The following SEL1L2 variants were observed in gnomAD, a reference collection of about 807,000 sequenced individuals.
The protein encoded by SEL1L2 is SEL1L2 adaptor subunit of SYVN1 ubiquitin ligase, also known as protein sel-1 homolog 2.
Under a neutral mutation model 98.8 loss-of-function variants are expected in SEL1L2, and 89 were observed. That is an observed-to-expected ratio of 0.90 (90% CI 0.76 to 1.07). SEL1L2 has a LOEUF of 1.07. Among genes scored for constraint, SEL1L2 ranks in the 50% least tolerant of loss-of-function variants. The probability of loss-of-function intolerance (pLI) is 0.00; values close to 1 mark genes in which losing one functional copy is unlikely to be tolerated. For missense variants in SEL1L2, 788 were observed against 812.0 expected (o/e 0.97, Z 0.36); for synonymous variants, 262 against 278.5 (o/e 0.94, Z 0.59).
intron 9 of SEL1L2, 83 bp from the exon 10 acceptor site, chr20:13,885,486 G>T: frequency 1.1e-6 from 1 of 913,658 alleles, no homozygotes; most frequent in Non-Finnish European, 1.8e-6. Flanking sequence ...TTTTACTTTA[G>T]TATGTTGATT....
At chr20:13,885,901 G>T (rs2046928363) in intron 9 of SEL1L2, among the ~76,000 whole-genome samples, 2 of 152,188 alleles carry the variant, frequency 1.3e-5, no homozygotes, top group African/African-American at 4.8e-5. Flanking sequence ...CAGGCGTGGT[G>T]GTGTGGGCAC....
At chr20:13,976,535 A>C (rs1056977195) in intron 1 of SEL1L2, among the ~76,000 whole-genome samples, 2 of 152,200 alleles carry the variant, frequency 1.3e-5, no homozygotes, top group Non-Finnish European at 2.9e-5. Flanking sequence ...GAATTGGTTG[A>C]AATAAAATAC....
At position 13,954,836 on chromosome 20, in the gene SEL1L2, T is replaced by A. The variant is rs116853256; in HGVS notation, c.114+1240A>T. Among the ~76,000 whole-genome samples the A allele has an allele frequency of 5.8e-3, 880 of 152,300 alleles. 11 individuals are homozygous for A. Among genetic ancestry groups the A allele is most frequent in the Middle Eastern group, 0.02 (6 of 294 alleles). On this transcript the variant is annotated intron_variant, in intron 2 of 19. Transcript: ENST00000284951. ...GCAAGATGACCTGAAGAAATGGATG[T>A]TCCTTCATTCTCCACTTGCCTGAAG... is the stretch of plus-strand genomic sequence containing the variant.
rs2052501191 is a variant in SEL1L2 at position 13,990,601 on chromosome 20, T to C, written c.-67A>G. The C allele has an allele frequency of 1.6e-6, 2 of 1,251,772 alleles. No homozygotes were observed. Among genetic ancestry groups the C allele is most frequent in the Non-Finnish European group, 2.3e-6 (2 of 859,596 alleles). 77.5% of individuals were successfully genotyped at this position (1,251,772 alleles called of 1,614,324 possible). A position where few individuals can be genotyped will look rare whatever the true frequency, so the allele number is the denominator to read the frequency against. ...ACTAGGTGATTGGCCCAAGAGCTCC[T>C]CTTCTCAGGGACTGTGGTGGGGGCA... On this transcript the variant is annotated 5_prime_UTR_variant, in exon 1 of 20. Transcript: ENST00000284951.
chr20:13,891,456 C>T (rs2047200013), intron 5 of SEL1L2, among the ~76,000 whole-genome samples: 1 of 151,934 alleles, frequency 6.6e-6, no homozygotes, highest in Non-Finnish European at 1.5e-5. Flanking sequence ...ACCACAAGAT[C>T]AAGAGATTGA....
intron 1 of SEL1L2, among the ~76,000 whole-genome samples, chr20:13,960,173 A>G (rs901855263): frequency 1.1e-4 from 16 of 151,164 alleles, no homozygotes; most frequent in Non-Finnish European, 1.9e-4. Context: ...TCCCCAAAGT[A>G]CACAGAATAA....
chr20:13,988,297 C>G (rs1450227827), intron 1 of SEL1L2, among the ~76,000 whole-genome samples: 1 of 152,148 alleles, frequency 6.6e-6, no homozygotes, highest in Non-Finnish European at 1.5e-5. Flanking sequence ...CTAGGCCTCC[C>G]AAAGCGCTGG....
chr20:13,987,963 A>T (rs538950122), intron 1 of SEL1L2, among the ~76,000 whole-genome samples: 21 of 152,322 alleles, frequency 1.4e-4, no homozygotes, highest in Non-Finnish European at 2.6e-4. Flanking sequence ...CCTCCAAAAC[A>T]GAAGAGTTTT....
chr20:13,909,749 T>C (rs1320092712), intron 5 of SEL1L2, among the ~76,000 whole-genome samples: 2 of 152,136 alleles, frequency 1.3e-5, no homozygotes, highest in African/African-American at 4.8e-5. Flanking sequence ...GCAGATCACC[T>C]GAGGTCAGGA....
intron 1 of SEL1L2, among the ~76,000 whole-genome samples, chr20:13,968,737 G>A (rs1011548512): frequency 6.6e-6 from 1 of 152,210 alleles, no homozygotes; most frequent in African/African-American, 2.4e-5. Flanking sequence ...GGCTTTCTGT[G>A]CTCTCTTCCC....
At chr20:13,942,638 AT>A (rs60660687) in intron 2 of SEL1L2, among the ~76,000 whole-genome samples, 9,718 of 152,280 alleles carry the variant, frequency 0.064, 347 homozygotes, top group Non-Finnish European at 0.073. Flanking sequence ...TAATACAAAA[AT>A]TTAACATCAG....
At chr20:13,866,915 A>C (rs2147828219) in intron 14 of SEL1L2, 65 bp from the exon 15 acceptor site, 1 of 1,398,718 alleles carries the variant, frequency 7.1e-7, no homozygotes, top group Non-Finnish European at 9.5e-7. Flanking sequence ...TAATCTATGG[A>C]TATAATAGTC....
At chr20:13,974,437 T>C (rs1003007764) in intron 1 of SEL1L2, among the ~76,000 whole-genome samples, 1 of 150,768 alleles carries the variant, frequency 6.6e-6, no homozygotes, top group Non-Finnish European at 1.5e-5. Context: ...AGGCTGCTCC[T>C]ACTGCTTTTT....
chr20:13,853,301 C>G lies in SEL1L2; in HGVS notation c.1819-2982G>C, dbSNP rs77643681. Among the ~76,000 whole-genome samples, 210 of 151,956 alleles carry G rather than the reference C, an allele frequency of 1.4e-3. 3 individuals are homozygous for G. Among genetic ancestry groups the G allele is most frequent in the African/African-American group, 4.5e-3 (188 of 41,440 alleles). ...GCTGCCTCCACCTCCAGGGCTTGAG[C>G]GATCCTCCCATCTGGGCTTCCTGAG... is the stretch of plus-strand genomic sequence containing the variant. On this transcript the variant is annotated intron_variant, in intron 18 of 19. Transcript: ENST00000284951.
In SEL1L2 at chr20:13,887,834, G is replaced by A. The variant is rs372260139; in HGVS notation, c.680C>T (p.Ser227Leu). ...SQMILGYRYL[S>L]GINVLQNCEV... ...ACAATTCTGTAGAACATTGATTCCC[G>A]ACAAATATCTGTACCCCTAAAACAC... Residue 227 changes from serine to leucine, a missense_variant, in exon 8 of 20, where the codon TCG (serine) becomes TTG (leucine). Physicochemically the swap from Ser to Leu is moderately radical, Grantham distance 145 (BLOSUM62 -2). Coordinates refer to ENST00000284951, the MANE Select transcript of SEL1L2 (RefSeq NM_025229.2). 1.4e-5 allele frequency: 22 copies of A among 1,612,764 alleles called. No homozygotes were observed. The highest frequency in any genetic ancestry group is 1.6e-4 in the Middle Eastern group (1 of 6,078).
intron 8 of SEL1L2, 146 bp from the exon 9 acceptor site, chr20:13,886,588 A>G: frequency 1.3e-6 from 1 of 771,562 alleles, no homozygotes; most frequent in Non-Finnish European, 2.0e-6. Context: ...CATGAAAAAT[A>G]GAAATTTTCA....
intron 2 of SEL1L2, among the ~76,000 whole-genome samples, chr20:13,939,776 C>CAATTCTCA (rs2049663724): frequency 6.7e-6 from 1 of 149,664 alleles, no homozygotes; most frequent in Non-Finnish European, 1.5e-5. Context: ...AAGCAATTCT[C>CAATTCTCA]ATGCCTCAGC....
At chr20:13,964,821 G>C (rs535461991) in intron 1 of SEL1L2, among the ~76,000 whole-genome samples, 29 of 151,992 alleles carry the variant, frequency 1.9e-4, no homozygotes, top group Admixed American at 6.6e-4. Context: ...TTTCTCAAAG[G>C]CCAGTAATGA....
At chr20:13,918,329 A>G (rs2048500122) in intron 4 of SEL1L2, among the ~76,000 whole-genome samples, 1 of 152,310 alleles carries the variant, frequency 6.6e-6, no homozygotes. Flanking sequence ...CCAAGGCTTT[A>G]GCTAGAGCCT....
Sources: gnomAD v4.1 joint callset for allele counts (sites outside exome capture counted in the v4.1 genomes callset) on GRCh38, gnomAD v4.1.1 for gene constraint, MANE v1.5 for transcripts, NCBI Gene and HGNC (gene_info 2026-07-23, HGNC 2026-07-21) for gene names.